ROS1: variants seen among roughly 807,000 people sequenced by gnomAD.
ROS1 encodes the protein proto-oncogene tyrosine-protein kinase ROS.
In ROS1, 263 loss-of-function variants were observed where a neutral mutation model predicts 273.5. The ratio of observed to expected loss-of-function variants is 0.96; its 90% CI spans 0.87 to 1.06. The LOEUF is 1.06. Ranked by LOEUF, ROS1 falls within the 50% of genes least tolerant of loss-of-function variation. The pLI is 0.00. For missense variants in ROS1, 2,833 were observed against 2,751.1 expected (o/e 1.03, Z -0.67); for synonymous variants, 1,008 against 954.1 (o/e 1.06, Z -1.04).
intron 5 of ROS1, among the ~76,000 whole-genome samples, chr6:117,405,979 A>T (rs760670907): frequency 2.1e-4 from 32 of 152,292 alleles, no homozygotes; most frequent in Non-Finnish European, 4.4e-4. Context: ...TCAACTCATA[A>T]ATGCCTAATA....
chr6:117,408,385 C>T (rs1365703570), intron 5 of ROS1, among the ~76,000 whole-genome samples: 8 of 152,098 alleles, frequency 5.3e-5, no homozygotes, highest in African/African-American at 1.9e-4. Context: ...CAAACAACCC[C>T]ATCAAAAAGT....
At chr6:117,375,370 A>C (rs1240172377) in intron 18 of ROS1, among the ~76,000 whole-genome samples, 1 of 152,166 alleles carries the variant, frequency 6.6e-6, no homozygotes, top group African/African-American at 2.4e-5. Context: ...GTTTACCAAA[A>C]TTTCAGAATT....
chr6:117,394,136 A>G (rs1316225931), intron 11 of ROS1, 26 bp downstream of exon 11: 2 of 1,484,174 alleles, frequency 1.3e-6, no homozygotes, highest in African/African-American at 2.8e-5. Context: ...GTCTATCACT[A>G]TTCCTCTTTA....
rs1771887902 is a variant in ROS1 at position 117,378,952 on chromosome 6, G to C, written c.2582+107C>G. On this transcript the variant is annotated intron_variant, in intron 18 of 43. Coordinates refer to ENST00000368507, the MANE Select transcript of ROS1 (RefSeq NM_001378902.1). ...CAAGCCCAATGCCTGCAACACAGTG[G>C]ATAACCAGAAAATGTTTATTGAAGG... 1.6e-5 allele frequency: 11 copies of C among 693,922 alleles called. No individual in the cohort carries two copies. The South Asian group carries it at 1.7e-4, about 10-fold the overall frequency. 43.0% of individuals were successfully genotyped at this position (693,922 alleles called of 1,614,324 possible).
chr6:117,421,200 G>A (rs1439378945), intron 1 of ROS1, among the ~76,000 whole-genome samples: 1 of 146,602 alleles, frequency 6.8e-6, no homozygotes, highest in East Asian at 2.0e-4. Context: ...ATATGAATTG[G>A]AATACATATT....
At chr6:117,389,205 A>AC in intron 13 of ROS1, 145 bp downstream of exon 13, 2 of 882,794 alleles carry the variant, frequency 2.3e-6, no homozygotes, top group East Asian at 4.9e-5. Flanking sequence ...AAATGTATAA[A>AC]CTTTTTTTTT....
chr6:117,387,787 C>T lies in ROS1; in HGVS notation c.1992G>A (p.Leu664=), dbSNP rs2128700264. The T allele has an allele frequency of 1.2e-6, 2 of 1,612,288 alleles. No homozygotes were observed. Among genetic ancestry groups the T allele is most frequent in the East Asian group, 4.5e-5 (2 of 44,864 alleles). ...PWSEPSVGTT[L]VPASEPPFIM... ...TCCAGAACATTTTCTCACCTGGCAC[C>T]AGGGTAGTACCCACTGAGGGCTCTG... is the stretch of plus-strand genomic sequence containing the variant. The change falls in exon 14 of 44, where the codon CTG becomes CTA. Residue 664 remains leucine, a synonymous_variant. Coordinates refer to ENST00000368507, the MANE Select transcript of ROS1 (RefSeq NM_001378902.1).
Position 117,418,590 on chromosome 6 carries a change from A to G in ROS1, c.124-84T>C, listed in dbSNP as rs1403193148. 8.0e-6 allele frequency: 8 copies of G among 1,000,396 alleles called. No individual in the cohort carries two copies. In the African/African-American group the frequency reaches 1.2e-4, roughly 15 times the overall value. 62.0% of individuals were successfully genotyped at this position (1,000,396 alleles called of 1,614,324 possible). On this transcript the variant is annotated intron_variant, in intron 1 of 43. Coordinates refer to ENST00000368507, the MANE Select transcript of ROS1 (RefSeq NM_001378902.1). ...ACACACCTTTTAAAAAAGCTTCCTG[A>G]AATAACGTTGCCTCCTCCGCATTTT...
chr6:117,412,728 A>G (rs1047272694), intron 4 of ROS1, among the ~76,000 whole-genome samples: 1 of 152,216 alleles, frequency 6.6e-6, no homozygotes, highest in Admixed American at 6.5e-5. Flanking sequence ...AAGAATAGTT[A>G]TACAAGTTAT....
Position 117,397,102 on chromosome 6 carries a change from G to T in ROS1, c.619C>A (p.Pro207Thr), listed in dbSNP as rs769919414. 8.7e-6 allele frequency: 14 copies of T among 1,611,858 alleles called. No individual in the cohort carries two copies. The Admixed American group carries it at 2.3e-4, about 27-fold the overall frequency. ...THPHGVPETA[P>T]LIRNIESSSP... ...GAGCTCTCAATATTCCTAATCAAAG[G>T]TGCAGTTTCAGGAACTGGAAGAGAT... The change falls in exon 8 of 44, where the codon CCT becomes ACT. Residue 207 changes from proline to threonine, a missense_variant. Pro to Thr is a conservative substitution (Grantham distance 38). Transcript: ENST00000368507.
At chr6:117,352,341 T>C (rs1778943063) in intron 27 of ROS1, among the ~76,000 whole-genome samples, 1 of 152,208 alleles carries the variant, frequency 6.6e-6, no homozygotes, top group Non-Finnish European at 1.5e-5. Context: ...ATATAGTCAG[T>C]TCTGCTATAA....
At chr6:117,332,671 A>G (rs1431131252) in intron 32 of ROS1, among the ~76,000 whole-genome samples, 1 of 152,244 alleles carries the variant, frequency 6.6e-6, no homozygotes, top group Non-Finnish European at 1.5e-5. Flanking sequence ...CAATCAAATT[A>G]GAACCCAGGA....
At chr6:117,416,193 C>T in intron 3 of ROS1, 65 bp downstream of exon 3, 1 of 982,026 alleles carries the variant, frequency 1.0e-6, no homozygotes, top group East Asian at 2.4e-5. Context: ...AATGGGAATC[C>T]TCTTACACAA....
chr6:117,378,660 G>T (rs1179527568), intron 18 of ROS1, among the ~76,000 whole-genome samples: 1 of 152,132 alleles, frequency 6.6e-6, no homozygotes. Context: ...TCAGGACAGG[G>T]GGATAAGCTT....
Position 117,339,236 on chromosome 6 carries a change from C to T in ROS1, c.5062-1896G>A, listed in dbSNP as rs148333274. On this transcript the variant is annotated intron_variant, in intron 31 of 43. Coordinates refer to ENST00000368507, the MANE Select transcript of ROS1 (RefSeq NM_001378902.1). ...GAATTTTGTTTAGCTCATCAGCTAT[C>T]GTTAATGTTAGTATATTTTACATGT... is the stretch of plus-strand genomic sequence containing the variant. Among the ~76,000 whole-genome samples the T allele has an allele frequency of 3.3e-3, 498 of 152,166 alleles. 12 individuals carry two copies. Among genetic ancestry groups the T allele is most frequent in the Admixed American group, 0.024 (371 of 15,258 alleles).
intron 17 of ROS1, among the ~76,000 whole-genome samples, chr6:117,379,951 T>A (rs571947251): frequency 6.6e-6 from 1 of 152,120 alleles, no homozygotes; most frequent in Non-Finnish European, 1.5e-5. Context: ...TGTTGCAATG[T>A]ATATCTTAAG....
chr6:117,363,529 C>T (rs1021304929), intron 21 of ROS1, among the ~76,000 whole-genome samples: 4 of 152,172 alleles, frequency 2.6e-5, no homozygotes, highest in Non-Finnish European at 4.4e-5. Context: ...GACTCCTCCA[C>T]AAGGTCTTCA....
intron 1 of ROS1, among the ~76,000 whole-genome samples, chr6:117,419,727 G>A (rs1554257631): frequency 6.6e-6 from 1 of 152,150 alleles, no homozygotes; most frequent in Non-Finnish European, 1.5e-5. Context: ...AAGCAAAAGG[G>A]TGGATGCTGG....
chr6:117,394,994 A>G (rs770497968), intron 9 of ROS1, among the ~76,000 whole-genome samples: 1 of 152,184 alleles, frequency 6.6e-6, no homozygotes, highest in Admixed American at 6.5e-5. Flanking sequence ...ATGACATCAC[A>G]TGATGTATCA....
Sources: gnomAD v4.1 joint callset for allele counts (sites outside exome capture counted in the v4.1 genomes callset) on GRCh38, gnomAD v4.1.1 for gene constraint, MANE v1.5 for transcripts, NCBI Gene and HGNC (gene_info 2026-07-23, HGNC 2026-07-21) for gene names.